Variants in TRIM5 observed in about 807,000 individuals in gnomAD.
TRIM5 encodes tripartite motif-containing protein 5.
In TRIM5, 31 loss-of-function variants were observed where a neutral mutation model predicts 35.6. That is an observed-to-expected ratio of 0.87 (90% CI 0.65 to 1.18). The LOEUF (loss-of-function observed/expected upper bound fraction) is 1.18. Among genes scored for constraint, TRIM5 ranks in the 50% most tolerant of loss-of-function variants. TRIM5 has a pLI of 0.00. For missense variants in TRIM5, 609 were observed against 591.6 expected (o/e 1.03, Z -0.31); for synonymous variants, 243 against 215.6 (o/e 1.13, Z -1.11).
intron 4 of TRIM5, among the ~76,000 whole-genome samples, chr11:5,671,427 A>G (rs1851583986): frequency 6.6e-6 from 1 of 152,116 alleles, no homozygotes; most frequent in Non-Finnish European, 1.5e-5. Context: ...TAAAAAACTA[A>G]GGAGAACTAT....
At chr11:5,636,701 T>TA in the TRIM5 span, among the ~76,000 whole-genome samples, 1 of 152,300 alleles carries the variant, frequency 6.6e-6, no homozygotes, top group Non-Finnish European at 1.5e-5. Context: ...ACTTGGAATT[T>TA]AAAAAAATAT....
chr11:5,677,599 C>T (rs1385728686), intron 4 of TRIM5, among the ~76,000 whole-genome samples: 9 of 152,156 alleles, frequency 5.9e-5, no homozygotes, highest in African/African-American at 2.2e-4. Context: ...CGGGGTTTCA[C>T]CGTGTTAGCC....
chr11:5,614,432 A>G, the TRIM5 span, among the ~76,000 whole-genome samples: 1 of 152,236 alleles, frequency 6.6e-6, no homozygotes, highest in Non-Finnish European at 1.5e-5. Context: ...CTCATTTTCT[A>G]TTAATGAGAA....
At chr11:5,641,424 G>C in the TRIM5 span, 15 of 1,069,160 alleles carry the variant, frequency 1.4e-5, no homozygotes, top group Non-Finnish European at 1.9e-5. Flanking sequence ...AGCCAAAAAG[G>C]ATATTAAGGA....
chr11:5,650,542 A>T, the TRIM5 span, among the ~76,000 whole-genome samples: 4 of 152,280 alleles, frequency 2.6e-5, no homozygotes, highest in East Asian at 7.7e-4. Flanking sequence ...TTCCATGAGG[A>T]CATACCTGCA....
At chr11:5,608,679 A>G in the TRIM5 span, among the ~76,000 whole-genome samples, 5 of 151,986 alleles carry the variant, frequency 3.3e-5, no homozygotes, top group South Asian at 4.2e-4. Flanking sequence ...AGACAAAGGG[A>G]GACTCTGCCT....
chr11:5,598,194 T>C, the TRIM5 span, among the ~76,000 whole-genome samples: 1 of 152,194 alleles, frequency 6.6e-6, no homozygotes, highest in Non-Finnish European at 1.5e-5. Flanking sequence ...TGGCCTCAGT[T>C]GGAAACTGGC....
the TRIM5 span, among the ~76,000 whole-genome samples, chr11:5,623,954 AT>A: frequency 6.6e-6 from 1 of 152,172 alleles, no homozygotes; most frequent in Admixed American, 6.5e-5. Context: ...GTAGACTAGG[AT>A]TGTTTTGATG....
the TRIM5 span, among the ~76,000 whole-genome samples, chr11:5,657,629 TTA>T: frequency 2.0e-5 from 2 of 100,388 alleles, no homozygotes; most frequent in African/African-American, 3.7e-5. Flanking sequence ...ATATAATGCA[TTA>T]TATATATTAT....
the TRIM5 span, among the ~76,000 whole-genome samples, chr11:5,601,962 A>G: frequency 6.6e-6 from 1 of 152,130 alleles, no homozygotes; most frequent in East Asian, 1.9e-4. Context: ...TGGAAAGGTC[A>G]CAGATGATCA....
At chr11:5,676,942 A>T (rs1306485866) in intron 4 of TRIM5, among the ~76,000 whole-genome samples, 1 of 151,518 alleles carries the variant, frequency 6.6e-6, no homozygotes, top group Non-Finnish European at 1.5e-5. Context: ...CACCTTATAC[A>T]AAAATCAATT....
chr11:5,681,829 T>TTCCAGCCTTTGTATAAG (rs1554938090), intron 1 of TRIM5, among the ~76,000 whole-genome samples: 1 of 151,994 alleles, frequency 6.6e-6, no homozygotes, highest in South Asian at 2.1e-4. Flanking sequence ...GACGGAGTCT[T>TTCCAGCCTTTGTATAAG]GCTCTGTCGC....
At chr11:5,607,649 G>A in the TRIM5 span, among the ~76,000 whole-genome samples, 6 of 152,210 alleles carry the variant, frequency 3.9e-5, no homozygotes, top group Non-Finnish European at 7.3e-5. Flanking sequence ...GAAGTGGACT[G>A]ACTTGGGCAA....
the TRIM5 span, chr11:5,595,321 C>T: frequency 1.3e-5 from 2 of 152,246 alleles, no homozygotes; most frequent in East Asian, 3.9e-4. Flanking sequence ...AGTTCTGAGG[C>T]TCAATAAGCT....
the TRIM5 span, among the ~76,000 whole-genome samples, chr11:5,640,442 ATTT>A: frequency 1.3e-5 from 2 of 150,620 alleles, no homozygotes; most frequent in African/African-American, 4.9e-5. Flanking sequence ...ACATCAATTG[ATTT>A]TTTTTTATGT....
At chr11:5,623,105 C>CTTTTTT in the TRIM5 span, among the ~76,000 whole-genome samples, 13 of 106,828 alleles carry the variant, frequency 1.2e-4, no homozygotes, top group Non-Finnish European at 1.5e-4. Flanking sequence ...CTGTCTGGAG[C>CTTTTTT]TTTTTTTTTT....
At chr11:5,605,653 C>A in the TRIM5 span, 2 of 1,452,464 alleles carry the variant, frequency 1.4e-6, no homozygotes, top group Non-Finnish European at 1.8e-6. Flanking sequence ...AGACTACCAT[C>A]GTTGCAGGGA....
At chr11:5,643,124 TA>T in the TRIM5 span, 15 of 1,133,108 alleles carry the variant, frequency 1.3e-5, no homozygotes, top group African/African-American at 1.9e-4. Flanking sequence ...CATATATATA[TA>T]TTTTTTTTTT....
chr11:5,662,587 A>G (rs1444380245), downstream of TRIM5, among the ~76,000 whole-genome samples: 1 of 152,188 alleles, frequency 6.6e-6, no homozygotes, highest in Non-Finnish European at 1.5e-5. Flanking sequence ...AAAATTTACA[A>G]TGAAATTAGA....
Sources: allele counts gnomAD v4.1 joint callset (sites outside exome capture counted in the v4.1 genomes callset), GRCh38; gene constraint gnomAD v4.1.1; transcripts MANE v1.5; gene names NCBI Gene and HGNC (gene_info 2026-07-23, HGNC 2026-07-21).